Variants in APC2 observed in about 807,000 individuals in gnomAD.
APC2 encodes the protein APC regulator of Wnt signaling pathway 2.
A neutral mutation model predicts 72.5 loss-of-function variants in APC2; 41 were observed. The observed-to-expected ratio is 0.57, with a 90% CI of 0.44 to 0.73. The LOEUF (loss-of-function observed/expected upper bound fraction) is 0.73. Among genes scored for constraint, APC2 ranks in the 30% least tolerant of loss-of-function variants. APC2 has a pLI of 0.00. For missense variants in APC2, 3,729 were observed against 3,403.4 expected (o/e 1.10, Z -2.38); for synonymous variants, 1,898 against 1,612.0 (o/e 1.18, Z -4.25).
Position 1,467,299 on chromosome 19 carries a change from G to A in APC2, c.3998G>A (p.Arg1333His). The change falls in exon 15 of 15, where the codon CGC becomes CAC. Residue 1333 changes from arginine (R) to histidine (H), a missense_variant. Arg to His is a conservative substitution (Grantham distance 29). Coordinates refer to ENST00000590469, the MANE Select transcript of APC2 (RefSeq NM_005883.3). ...EGPAPTGSRPRGAADQELELL... is the reference protein window; with the variant it reads ...EGPAPTGSRPHGAADQELELL... ...CCGGCGCCCACGGGTTCTCGCCCTC[G>A]CGGCGCCGCGGACCAGGAGCTGGAA... is the stretch of plus-strand genomic sequence containing the variant. The A allele has an allele frequency of 7.5e-7, 1 of 1,324,620 alleles. No homozygotes were observed. The highest frequency in any genetic ancestry group is 9.6e-7 in the Non-Finnish European group (1 of 1,041,212). The allele number at this position is 1,324,620 out of a possible 1,614,324, so 82.1% of individuals were successfully genotyped here.
chr19:1,469,263 C>A lies in APC2; in HGVS notation c.5962C>A (p.Arg1988Ser). 1 of 1,427,042 alleles carries A rather than the reference C, an allele frequency of 7.0e-7. No homozygotes were observed. The highest frequency in any genetic ancestry group is 9.2e-7 in the Non-Finnish European group (1 of 1,088,454). The allele number at this position is 1,427,042 out of a possible 1,614,324, so 88.4% of individuals were successfully genotyped here. ...ALSSGSESSD[R>S]SGFRRQLTFI... ...CTCCAGCGGCAGCGAGTCCTCCGAC[C>A]GCTCGGGCTTCCGGCGACAGCTAAC... The change falls in exon 15 of 15, where the codon CGC (arginine) becomes AGC (serine). Residue 1988 changes from arginine (R) to serine (S), a missense_variant. By Grantham distance (110) the Arg-to-Ser change is moderately radical. Transcript: ENST00000590469.
At position 1,466,017 on chromosome 19, in the gene APC2, G is replaced by A. The variant is rs2084006101; in HGVS notation, c.2716G>A (p.Gly906Arg). The change falls in exon 15 of 15, where the codon GGA becomes AGA. Residue 906 changes from glycine to arginine, a missense_variant. Physicochemically the swap from Gly to Arg is moderately radical, Grantham distance 125. Transcript: ENST00000590469. ...CCCGGAGGGCGGGCGGCGAGAGGCA[G>A]GAAGCCGGGCGCACCCGCTGCTGCG... ...RGPEGGRREA[G>R]SRAHPLLRLK... is the part of the protein sequence containing the mutation. 2.0e-6 allele frequency: 3 copies of A among 1,497,266 alleles called. No homozygotes were observed. Among genetic ancestry groups the A allele is most frequent in the East Asian group, 5.0e-5 (2 of 39,922 alleles). 92.7% of individuals were successfully genotyped at this position (1,497,266 alleles called of 1,614,324 possible).
At chr19:1,448,077 G>A (rs116682753), upstream of APC2, among the ~76,000 whole-genome samples, 953 of 152,234 alleles carry the variant, frequency 6.3e-3, 14 homozygotes, top group African/African-American at 0.022. Flanking sequence ...GGGACAACAA[G>A]GCTGAGCTGA....
chr19:1,449,994 A>T (rs1332444389), upstream of APC2, among the ~76,000 whole-genome samples: 2 of 150,718 alleles, frequency 1.3e-5, no homozygotes, highest in Admixed American at 1.3e-4. Context: ...CGGAGGCCCG[A>T]CGCCCCGCGG....
In APC2 at chr19:1,467,668, G is replaced by C. The variant is rs116169601; in HGVS notation, c.4367G>C (p.Arg1456Pro). ...GGAGRSAEQSRGAGKNRAGLE... is the reference protein window; with the variant it reads ...GGAGRSAEQSPGAGKNRAGLE... ...GCCGGCCGCAGCGCGGAGCAGTCTC[G>C]GGGCGCGGGCAAGAACAGAGCAGGG... The change falls in exon 15 of 15, where the codon CGG (arginine) becomes CCG (proline). Residue 1456 changes from arginine to proline, a missense_variant. By Grantham distance (103) the Arg-to-Pro change is moderately radical. Transcript: ENST00000590469. 9.0e-3 allele frequency: 13,291 copies of C among 1,479,544 alleles called. 495 individuals are homozygous for C. The African/African-American group carries it at 0.11, about 12-fold the overall frequency. 91.7% of individuals were successfully genotyped at this position (1,479,544 alleles called of 1,614,324 possible). A position where few individuals can be genotyped will look rare whatever the true frequency, so the allele number is the denominator to read the frequency against.
At chr19:1,464,401 T>C (rs969867029) in intron 14 of APC2, among the ~76,000 whole-genome samples, 23 of 150,180 alleles carry the variant, frequency 1.5e-4, no homozygotes, top group Non-Finnish European at 4.5e-5. Context: ...ACACAAAATA[T>C]TATTTTTACC....
chr19:1,456,892 C>G lies in APC2; in HGVS notation c.856C>G (p.Arg286Gly), dbSNP rs1173524118. The G allele has an allele frequency of 1.3e-6, 2 of 1,591,118 alleles. No individual in the cohort carries two copies. Among genetic ancestry groups the G allele is most frequent in the Non-Finnish European group, 1.7e-6 (2 of 1,175,494 alleles). ...CTGGCTGTTGTCCATGTTGGCGACG[C>G]GCGACCAGGAGGATACAGCGCGCAC... ...VFWLLSMLAT[R>G]DQEDTARTLL... Residue 286 changes from arginine (R) to glycine (G), a missense_variant, in exon 9 of 15, where the codon CGC becomes GGC. Transcript: ENST00000590469.
At chr19:1,461,852 A>C in intron 13 of APC2, 111 bp from the exon 14 acceptor site, 1 of 557,006 alleles carries the variant, frequency 1.8e-6, no homozygotes, top group Non-Finnish European at 2.7e-6. Context: ...ATTCCGTCTC[A>C]AAAAAAAAAA....
rs370450974 is a variant in APC2 at position 1,460,217 on chromosome 19, A to T, written c.1340A>T (p.Asp447Val). 6.2e-6 allele frequency: 10 copies of T among 1,613,414 alleles called. No individual in the cohort carries two copies. The highest frequency in any genetic ancestry group is 1.3e-5 in the African/African-American group (1 of 74,944). The change falls in exon 11 of 15, where the codon GAC becomes GTC. Residue 447 changes from aspartate (D) to valine (V), a missense_variant. Asp to Val is a radical substitution (Grantham distance 152, BLOSUM62 -3). Coordinates refer to ENST00000590469, the MANE Select transcript of APC2 (RefSeq NM_005883.3). ...GCCGTGGCAGAGCTGCTGCAGGTTG[A>T]CTATGAGATGCACAAGATGACCCGG... is the stretch of plus-strand genomic sequence containing the variant. ...LQAVAELLQVDYEMHKMTRDP... is the reference protein window; with the variant it reads ...LQAVAELLQVVYEMHKMTRDP...
rs1262309654 is a variant in APC2, at chr19:1,473,156, C to T, written c.*2943C>T. 6.6e-6 allele frequency: 1 copy of T among 152,308 alleles called. No homozygotes were observed. The highest frequency in any genetic ancestry group is 1.5e-5 in the Non-Finnish European group (1 of 68,062). The allele number at this position is 152,308 out of a possible 1,614,324, so 9.4% of individuals were successfully genotyped here. A position where few individuals can be genotyped will look rare whatever the true frequency, so the allele number is the denominator to read the frequency against. ...GTAAATAGTGAAAGCCTGTCCTTCC[C>T]TAAATGTAAAGCCATCTGTCCGGCG... is the stretch of plus-strand genomic sequence containing the variant. On this transcript the variant is annotated 3_prime_UTR_variant, in exon 15 of 15. Coordinates refer to ENST00000590469, the MANE Select transcript of APC2 (RefSeq NM_005883.3).
intron 14 of APC2, among the ~76,000 whole-genome samples, chr19:1,463,466 C>G (rs2083958682): frequency 2.0e-5 from 3 of 149,672 alleles, no homozygotes; most frequent in Admixed American, 2.0e-4. Flanking sequence ...GCCTGTAATT[C>G]CAGCTACTCG....
At position 1,456,130 on chromosome 19, in the gene APC2, C is replaced by G. The variant is rs752511716; in HGVS notation, c.694C>G (p.Arg232Gly). Residue 232 changes from arginine to glycine, a missense_variant, in exon 7 of 15, where the codon CGA becomes GGA. Transcript: ENST00000590469. The stretch of plus-strand genomic sequence containing the variant: ...CAAGGAGCTGCTGGAGGCGCAGGAC[C>G]GAGTGCAGCAGACGGAGCCCCAGGT... ...IDKELLEAQD[R>G]VQQTEPQALL... is the part of the protein sequence containing the mutation. The G allele has an allele frequency of 1.3e-6, 2 of 1,592,106 alleles. No individual in the cohort carries two copies. The highest frequency in any genetic ancestry group is 1.7e-6 in the Non-Finnish European group (2 of 1,171,740).
chr19:1,453,636 T>A (rs749732742), intron 4 of APC2, 25 bp downstream of exon 4: 8 of 1,574,552 alleles, frequency 5.1e-6, no homozygotes, highest in African/African-American at 1.3e-5. Context: ...GAACCCAGCC[T>A]CGGGCAGCTG....
chr19:1,447,231 C>T (rs1302292219), upstream of APC2, among the ~76,000 whole-genome samples: 1 of 152,246 alleles, frequency 6.6e-6, no homozygotes, highest in Non-Finnish European at 1.5e-5. Context: ...CTGGTGCCTT[C>T]TCTGTCCCCA....
Position 1,464,936 on chromosome 19 carries a change from CT to C in APC2, c.1854-205del, listed in dbSNP as rs78166202. ...GTGTGATCCACTGCACCCGGCCTAC[CT>C]TTTTTTTTTTTTTAACTCCATCTCA... On this transcript the variant is annotated intron_variant, in intron 14 of 14. Coordinates refer to ENST00000590469, the MANE Select transcript of APC2 (RefSeq NM_005883.3). Among the ~76,000 whole-genome samples, 763 of 142,376 alleles carry C rather than the reference CT, an allele frequency of 5.4e-3. 4 individuals are homozygous for C. Among genetic ancestry groups the C allele is most frequent in the Non-Finnish European group, 5.6e-3 (364 of 64,576 alleles). 93.4% of individuals were successfully genotyped at this position (142,376 alleles called of 152,430 possible).
chr19:1,468,905 CG>C lies in APC2; in HGVS notation c.5605del (p.Ala1869ProfsTer127). ...PRSATPPARL[A>X]KTPSSSSSQT... is the part of the protein sequence containing the mutation. Reference sequence around the variant, plus strand: ...GAAGCGCCACACCGCCCGCCCGCCTCGCCAAGACCCCCTCCTCCAGCTCCTC... The same window carrying C: ...GAAGCGCCACACCGCCCGCCCGCCTCCCAAGACCCCCTCCTCCAGCTCCTC... On this transcript the variant is annotated frameshift_variant, in exon 15 of 15. Transcript: ENST00000590469. LOFTEE classifies it low-confidence loss of function (END_TRUNC). 1 of 1,524,944 alleles carries C rather than the reference CG, an allele frequency of 6.6e-7. No individual in the cohort carries two copies. Among genetic ancestry groups the C allele is most frequent in the Non-Finnish European group, 8.7e-7 (1 of 1,143,498 alleles). 94.5% of individuals were successfully genotyped at this position (1,524,944 alleles called of 1,614,324 possible).
intron 5 of APC2, 33 bp downstream of exon 5, chr19:1,455,290 C>T (rs1427141166): frequency 6.4e-7 from 1 of 1,571,432 alleles, no homozygotes; most frequent in Non-Finnish European, 8.6e-7. Context: ...GGGCAGCGCG[C>T]CCGCCCCACT....
intron 9 of APC2, chr19:1,457,673 GGAC>G (rs2083856706): frequency 3.8e-6 from 2 of 532,788 alleles, no homozygotes; most frequent in East Asian, 6.7e-5. Context: ...ACTCCAGTCT[GGAC>G]AACAGAGCGA....
In APC2 at chr19:1,460,953, C is replaced by T. The variant is rs1008790796; in HGVS notation, c.1522-84C>T. 8.5e-5 allele frequency: 135 copies of T among 1,592,066 alleles called. No homozygotes were observed. The South Asian group carries it at 1.1e-3, about 13-fold the overall frequency. On this transcript the variant is annotated intron_variant, in intron 12 of 14. Coordinates refer to ENST00000590469, the MANE Select transcript of APC2 (RefSeq NM_005883.3). ...GGTGGGCTGGCAGGGGTGTCCCGTC[C>T]GACTCTCTGCAGACTCACATTTGCT...
Sources: gnomAD v4.1 joint callset for allele counts (sites outside exome capture counted in the v4.1 genomes callset) on GRCh38, gnomAD v4.1.1 for gene constraint, MANE v1.5 for transcripts, NCBI Gene and HGNC (gene_info 2026-07-23, HGNC 2026-07-21) for gene names.